The following DLEC1 variants were observed in gnomAD, a reference collection of about 807,000 sequenced individuals.
DLEC1 encodes DLEC1 cilia and flagella associated protein, also known as deleted in lung and esophageal cancer protein 1.
A neutral mutation model predicts 198.1 loss-of-function variants in DLEC1; 146 were observed. The ratio of observed to expected loss-of-function variants is 0.74; its 90% CI spans 0.64 to 0.85. DLEC1 has a LOEUF of 0.85. DLEC1 is among the 40% of genes least tolerant of loss of function. The pLI is 0.00. For missense variants in DLEC1, 2,233 were observed against 2,220.0 expected (o/e 1.01, Z -0.12); for synonymous variants, 897 against 866.8 (o/e 1.03, Z -0.61).
chr3:38,114,553 C>A, intron 26 of DLEC1, 93 bp downstream of exon 26: 1 of 1,307,066 alleles, frequency 7.7e-7, no homozygotes, highest in Non-Finnish European at 1.1e-6. Context: ...TTGTTATTCT[C>A]CAGCTGGCCT....
intron 10 of DLEC1, among the ~76,000 whole-genome samples, chr3:38,090,446 T>C (rs1325684314): frequency 6.6e-6 from 1 of 152,228 alleles, no homozygotes; most frequent in East Asian, 1.9e-4. Context: ...CTCTATATCT[T>C]AGAGATCATT....
intron 20 of DLEC1, 74 bp from the exon 21 acceptor site, chr3:38,108,331 C>A: frequency 1.6e-6 from 2 of 1,267,752 alleles, no homozygotes; most frequent in Non-Finnish European, 2.3e-6. Flanking sequence ...TGCAGCAGTG[C>A]TGAGCACTCT....
chr3:38,100,516 G>A, intron 19 of DLEC1, 91 bp downstream of exon 19: 3 of 1,377,016 alleles, frequency 2.2e-6, no homozygotes, highest in Non-Finnish European at 2.8e-6. Context: ...AGATGTTCTG[G>A]ATTTAAAACT....
chr3:38,075,279 T>G (rs1345460880), intron 6 of DLEC1, among the ~76,000 whole-genome samples: 3 of 152,188 alleles, frequency 2.0e-5, no homozygotes, highest in African/African-American at 7.2e-5. Context: ...GTAAGGCACC[T>G]CAGACCATTT....
rs1200648630 is a variant in DLEC1 at position 38,059,863 on chromosome 3, T to A, written c.673+11T>A. 1 of 1,612,202 alleles carries A rather than the reference T, an allele frequency of 6.2e-7. No homozygotes were observed. The highest frequency in any genetic ancestry group is 1.1e-5 in the South Asian group (1 of 90,892). ...ACTCTGCACCTAAAGGTAATGCTTC[T>A]GTGCTCTCAAGGCCTCTGATACCAT... is the stretch of plus-strand genomic sequence containing the variant. On this transcript the variant is annotated intron_variant, in intron 3 of 36. Transcript: ENST00000308059.
chr3:38,114,922 T>A, intron 26 of DLEC1, 61 bp from the exon 27 acceptor site: 1 of 1,507,784 alleles, frequency 6.6e-7, no homozygotes, highest in Non-Finnish European at 9.1e-7. Flanking sequence ...CCAGCCCTCC[T>A]CCCTACCTGC....
At position 38,062,674 on chromosome 3, in the gene DLEC1, C is replaced by A. The variant is rs370478680; in HGVS notation, c.967C>A (p.Arg323=). 3 of 1,613,936 alleles carry A rather than the reference C, an allele frequency of 1.9e-6. No individual in the cohort carries two copies. The highest frequency in any genetic ancestry group is 2.5e-6 in the Non-Finnish European group (3 of 1,180,030). The part of the protein sequence containing the change: ...DRLLLARMES[R]NHFLKNPRFF... Reference sequence around the variant, plus strand: ...ACTTCTGCTTGCCAGAATGGAGAGTCGGAACCACTTCCTAAAAAATCCCCG... The same window carrying A: ...ACTTCTGCTTGCCAGAATGGAGAGTAGGAACCACTTCCTAAAAAATCCCCG... The change falls in exon 5 of 37, where the codon CGG becomes AGG. Residue 323 remains arginine (R), a synonymous_variant. Coordinates refer to ENST00000308059, the MANE Select transcript of DLEC1 (RefSeq NM_007335.4).
At chr3:38,084,548 A>AGTGGTAGTAGTAGTAGTGGGGGG (rs1698315006) in intron 7 of DLEC1, among the ~76,000 whole-genome samples, 1 of 1,406 alleles carries the variant, frequency 7.1e-4, no homozygotes, top group South Asian at 0.029. Context: ...TGGTAGTAGT[A>AGTGGTAGTAGTAGTAGTGGGGGG]GTGGTAGTAG....
chr3:38,117,392 A>G (rs1477111861), intron 31 of DLEC1, 90 bp downstream of exon 31: 2 of 1,600,202 alleles, frequency 1.2e-6, no homozygotes, highest in African/African-American at 1.3e-5. Flanking sequence ...TTCTCAGAGC[A>G]AAAGGACGGG....
chr3:38,117,667 T>C, intron 32 of DLEC1, 56 bp downstream of exon 32: 3 of 1,611,146 alleles, frequency 1.9e-6, no homozygotes, highest in Non-Finnish European at 2.5e-6. Flanking sequence ...CAGATGTCTC[T>C]GTGTGCCCTT....
At position 38,097,504 on chromosome 3, in the gene DLEC1, C is replaced by T; in HGVS notation, c.2435-3C>T. On this transcript the variant is annotated splice_region_variant and splice_polypyrimidine_tract_variant and intron_variant, in intron 16 of 36. Coordinates refer to ENST00000308059, the MANE Select transcript of DLEC1 (RefSeq NM_007335.4). ...CCACCTCTCCCTTTCCCTCTCTTCT[C>T]AGAGCCCAGTGAGGTCGGGGATTTT... 6.2e-7 allele frequency: 1 copy of T among 1,614,066 alleles called. No homozygotes were observed. Among genetic ancestry groups the T allele is most frequent in the African/African-American group, 1.3e-5 (1 of 75,050 alleles).
chr3:38,091,797 C>T (rs1698757046), intron 10 of DLEC1, among the ~76,000 whole-genome samples: 1 of 152,060 alleles, frequency 6.6e-6, no homozygotes, highest in Admixed American at 6.5e-5. Flanking sequence ...ATTAAAACCA[C>T]AGTGAGCTCC....
intron 18 of DLEC1, 132 bp downstream of exon 18, chr3:38,098,034 C>A (rs1170675506): frequency 2.5e-6 from 3 of 1,177,604 alleles, no homozygotes; most frequent in Non-Finnish European, 3.6e-6. Context: ...CTGGTGACTT[C>A]GGCCTGGCGG....
At position 38,117,901 on chromosome 3, in the gene DLEC1, C is replaced by T. The variant is rs374697925; in HGVS notation, c.4581C>T (p.Ser1527=). Residue 1527 remains serine (S), a synonymous_variant, in exon 33 of 37, where the codon TCC becomes TCT. Transcript: ENST00000308059. ...GGCTTATGGTCTCCAGGCCCTTCTCCGTTTCTCAAGATGGGGCGAGCCAGG... is the reference window on the plus strand; with the variant it reads ...GGCTTATGGTCTCCAGGCCCTTCTCTGTTTCTCAAGATGGGGCGAGCCAGG... ...YFRLMVSRPF[S]VSQDGASQDH... is the part of the protein sequence containing the mutation. 37 of 1,614,036 alleles carry T rather than the reference C, an allele frequency of 2.3e-5. No homozygotes were observed. The highest frequency in any genetic ancestry group is 2.9e-5 in the Non-Finnish European group (34 of 1,180,032).
At chr3:38,115,582 G>A (rs922298318) in intron 27 of DLEC1, among the ~76,000 whole-genome samples, 3 of 152,186 alleles carry the variant, frequency 2.0e-5, no homozygotes, top group Non-Finnish European at 4.4e-5. Context: ...GAAAGGGTTA[G>A]GAGAGGAAGC....
intron 3 of DLEC1, among the ~76,000 whole-genome samples, 175 bp downstream of exon 3, chr3:38,060,027 G>A (rs1178721102): frequency 2.0e-5 from 3 of 152,162 alleles, no homozygotes; most frequent in African/African-American, 7.2e-5. Context: ...CCAATTTCTT[G>A]CTAGTGCTCC....
At chr3:38,103,132 T>C (rs1699389540) in intron 19 of DLEC1, 2 of 152,252 alleles carry the variant, frequency 1.3e-5, no homozygotes, top group Non-Finnish European at 2.9e-5. Flanking sequence ...CATCACCCAT[T>C]TCCCTCCTAT....
intron 2 of DLEC1, among the ~76,000 whole-genome samples, chr3:38,058,163 C>T (rs942491161): frequency 2.6e-5 from 4 of 152,156 alleles, no homozygotes; most frequent in Non-Finnish European, 4.4e-5. Context: ...ACTTAAATTA[C>T]ACATCCCTAA....
At chr3:38,068,102 G>C (rs567862145) in intron 6 of DLEC1, among the ~76,000 whole-genome samples, 11 of 152,206 alleles carry the variant, frequency 7.2e-5, no homozygotes, top group South Asian at 6.2e-4. Flanking sequence ...GAAGGAGATT[G>C]CATCACATTT....
Sources: allele counts gnomAD v4.1 joint callset (sites outside exome capture counted in the v4.1 genomes callset), GRCh38; gene constraint gnomAD v4.1.1; transcripts MANE v1.5; gene names NCBI Gene and HGNC (gene_info 2026-07-23, HGNC 2026-07-21).